Variants in NRG3 observed in about 807,000 individuals in gnomAD.
The protein encoded by NRG3 is neuregulin 3.
Under a neutral mutation model 66.9 loss-of-function variants are expected in NRG3, and 31 were observed. That is an observed-to-expected ratio of 0.46 (90% confidence interval 0.35 to 0.63). The LOEUF is 0.63. Among genes scored for constraint, NRG3 ranks in the 20% least tolerant of loss-of-function variants. NRG3 has a pLI of 0.00. For synonymous variants in NRG3, 393 were observed against 359.4 expected (o/e 1.09, Z -1.06); for missense variants, 910 against 878.9 (o/e 1.04, Z -0.45).
At chr10:82,399,741 T>C (rs1167460414) in intron 2 of NRG3, among the ~76,000 whole-genome samples, 2 of 152,200 alleles carry the variant, frequency 1.3e-5, no homozygotes, top group Non-Finnish European at 2.9e-5. Flanking sequence ...ATATTAATTT[T>C]GAGGGGACAC....
chr10:81,896,190 G>A (rs966665141), intron 1 of NRG3, among the ~76,000 whole-genome samples: 7 of 152,070 alleles, frequency 4.6e-5, no homozygotes, highest in Admixed American at 2.6e-4. Flanking sequence ...TTTGAGAAAA[G>A]CCAACTTAAC....
chr10:82,830,096 A>C (rs767780556), intron 3 of NRG3, among the ~76,000 whole-genome samples: 1 of 152,196 alleles, frequency 6.6e-6, no homozygotes, highest in East Asian at 1.9e-4. Flanking sequence ...TCTACTGTAT[A>C]TTGTGACTCA....
intron 1 of NRG3, among the ~76,000 whole-genome samples, chr10:82,198,552 A>G (rs138298444): frequency 2.6e-5 from 4 of 152,262 alleles, no homozygotes; most frequent in African/African-American, 9.6e-5. Context: ...ACACTTATCA[A>G]CCTAGGTTAA....
intron 3 of NRG3, among the ~76,000 whole-genome samples, chr10:82,798,443 G>A (rs2060893666): frequency 6.6e-6 from 1 of 152,104 alleles, no homozygotes; most frequent in Admixed American, 6.6e-5. Flanking sequence ...AAATAGATGA[G>A]CCCTGTCATC....
intron 1 of NRG3, among the ~76,000 whole-genome samples, chr10:82,238,981 T>G (rs1023859661): frequency 6.7e-6 from 1 of 148,554 alleles, no homozygotes; most frequent in African/African-American, 2.5e-5. Context: ...TTCCTCCAAG[T>G]CATAAAGATA....
At chr10:82,185,022 G>T (rs1589245026) in intron 1 of NRG3, among the ~76,000 whole-genome samples, 1 of 152,110 alleles carries the variant, frequency 6.6e-6, no homozygotes, top group Non-Finnish European at 1.5e-5. Flanking sequence ...ACTACATCTT[G>T]AGTCTATTAC....
At chr10:82,157,844 A>G (rs1246438751) in intron 1 of NRG3, among the ~76,000 whole-genome samples, 2 of 151,750 alleles carry the variant, frequency 1.3e-5, no homozygotes, top group African/African-American at 4.8e-5. Flanking sequence ...ACAAGATGGA[A>G]TATAGATCTT....
intron 1 of NRG3, among the ~76,000 whole-genome samples, chr10:82,231,434 T>C (rs1167523369): frequency 6.6e-6 from 1 of 151,918 alleles, no homozygotes; most frequent in Non-Finnish European, 1.5e-5. Context: ...CTTCAGATTA[T>C]TAATAGTAAC....
At chr10:81,911,396 C>T (rs1004268259) in intron 1 of NRG3, among the ~76,000 whole-genome samples, 1 of 152,088 alleles carries the variant, frequency 6.6e-6, no homozygotes, top group Non-Finnish European at 1.5e-5. Flanking sequence ...CCCTCCATTT[C>T]CTGGGAATCA....
At chr10:82,978,805 CT>C (rs1364621979) in intron 7 of NRG3, 144 bp from the exon 8 acceptor site, 1 of 733,704 alleles carries the variant, frequency 1.4e-6, no homozygotes, top group African/African-American at 1.8e-5. Context: ...ACCACATATA[CT>C]TCATTCAGGG....
At chr10:82,475,677 A>G (rs990921954) in intron 2 of NRG3, among the ~76,000 whole-genome samples, 1 of 152,198 alleles carries the variant, frequency 6.6e-6, no homozygotes, top group African/African-American at 2.4e-5. Flanking sequence ...ATCTTACACT[A>G]TAAAACAATT....
chr10:82,482,397 G>T (rs1165283014), intron 2 of NRG3, among the ~76,000 whole-genome samples: 2 of 152,116 alleles, frequency 1.3e-5, no homozygotes, highest in Admixed American at 6.5e-5. Context: ...GGAACGCAAA[G>T]AATATTCTGA....
chr10:82,248,390 G>T (rs2134070558), intron 1 of NRG3, among the ~76,000 whole-genome samples: 1 of 152,146 alleles, frequency 6.6e-6, no homozygotes, highest in Middle Eastern at 3.4e-3. Context: ...TCAGTTTTAG[G>T]CTGTCATCAT....
chr10:82,100,000 T>TATAA lies in NRG3; in HGVS notation c.823+223838_823+223839insTAAA, dbSNP rs980884026. ...CCTGTCTCTAATATATATATATATA[T>TATAA]AATTTAAAAAAACAAGTAAAATATT... On this transcript the variant is annotated intron_variant, in intron 1 of 8. Coordinates refer to ENST00000372141, the MANE Select transcript of NRG3 (RefSeq NM_001010848.4). 2.7e-5 allele frequency among the ~76,000 whole-genome samples: 4 copies of TATAA among 150,226 alleles called. No homozygotes were observed. In the South Asian group the frequency reaches 6.3e-4, roughly 24 times the overall value.
intron 1 of NRG3, among the ~76,000 whole-genome samples, chr10:81,971,546 CA>C (rs1482742788): frequency 2.0e-5 from 3 of 151,992 alleles, no homozygotes; most frequent in Non-Finnish European, 4.4e-5. Flanking sequence ...AATGAGACAG[CA>C]AAAAAGTAAT....
intron 2 of NRG3, among the ~76,000 whole-genome samples, chr10:82,700,237 C>T (rs10082425): frequency 0.31 from 47,458 of 151,918 alleles, 8,582 homozygotes; most frequent in African/African-American, 0.49. Context: ...TGAAAATTTC[C>T]GCCCGAGAAA....
chr10:82,268,127 G>T (rs2078400254), intron 1 of NRG3, among the ~76,000 whole-genome samples: 1 of 152,118 alleles, frequency 6.6e-6, no homozygotes, highest in African/African-American at 2.4e-5. Flanking sequence ...ATGGAAAGTG[G>T]AAAGTAGAAA....
chr10:82,824,551 A>T (rs1027945231), intron 3 of NRG3, among the ~76,000 whole-genome samples: 1 of 152,026 alleles, frequency 6.6e-6, no homozygotes, highest in South Asian at 2.1e-4. Context: ...TGTCTTTTTG[A>T]TTCTAGTTAT....
chr10:82,450,389 C>A (rs1009019515), intron 2 of NRG3, among the ~76,000 whole-genome samples: 1 of 152,104 alleles, frequency 6.6e-6, no homozygotes, highest in Admixed American at 6.6e-5. Flanking sequence ...AATCTTCTAG[C>A]AAGTCAAGCA....
Sources: gnomAD v4.1 joint callset for allele counts (sites outside exome capture counted in the v4.1 genomes callset) on GRCh38, gnomAD v4.1.1 for gene constraint, MANE v1.5 for transcripts, NCBI Gene and HGNC (gene_info 2026-07-23, HGNC 2026-07-21) for gene names.